Variants in NCK2 observed in about 807,000 individuals in gnomAD.
NCK2 encodes cytoplasmic protein NCK2.
In NCK2, 16 loss-of-function variants were observed where a neutral mutation model predicts 33.9. That is an observed-to-expected ratio of 0.47 (90% CI 0.32 to 0.72). The LOEUF (loss-of-function observed/expected upper bound fraction) is 0.72, where lower values mean the gene tolerates loss of function less well. Among genes scored for constraint, NCK2 ranks in the 30% least tolerant of loss-of-function variants. The pLI is 0.03. For missense variants in NCK2, 418 were observed against 537.3 expected, an observed-to-expected ratio of 0.78 and a Z score of 2.19; for synonymous variants, 273 against 239.9, an observed-to-expected ratio of 1.14 and a Z score of -1.27.
At chr2:105,861,187 T>C (rs1389898627) in intron 3 of NCK2, among the ~76,000 whole-genome samples, 4 of 152,208 alleles carry the variant, frequency 2.6e-5, no homozygotes, top group Non-Finnish European at 5.9e-5. Flanking sequence ...TTTTACACCT[T>C]TATGGAGTCT....
chr2:105,879,399 A>G (rs1296788491), intron 3 of NCK2, among the ~76,000 whole-genome samples: 1 of 152,208 alleles, frequency 6.6e-6, no homozygotes, highest in African/African-American at 2.4e-5. Context: ...CTGTGGCGGT[A>G]TCATGGTGCT....
At chr2:105,867,788 C>A (rs1377887141) in intron 3 of NCK2, among the ~76,000 whole-genome samples, 1 of 152,138 alleles carries the variant, frequency 6.6e-6, no homozygotes, top group African/African-American at 2.4e-5. Flanking sequence ...ATGATCTCAC[C>A]CTGCTTCAGC....
rs1417113083 is a variant in NCK2 at position 105,881,441 on chromosome 2, A to G, written c.340A>G (p.Ile114Val). ...CGCCGACCGCATCTACGACCTCAAC[A>G]TCCCGGCCTTCGTCAAGTTCGCCTA... ...SGADRIYDLNIPAFVKFAYVA... is the reference protein window; with the variant it reads ...SGADRIYDLNVPAFVKFAYVA... The change falls in exon 4 of 5, where the codon ATC becomes GTC. Residue 114 changes from isoleucine (I) to valine (V), a missense_variant. Ile to Val is a conservative substitution (Grantham distance 29). Transcript: ENST00000233154. The G allele has an allele frequency of 1.2e-6, 2 of 1,613,550 alleles. No homozygotes were observed. The highest frequency in any genetic ancestry group is 1.7e-6 in the Non-Finnish European group (2 of 1,179,964).
intron 1 of NCK2, among the ~76,000 whole-genome samples, chr2:105,746,059 A>T (rs1012137125): frequency 6.6e-6 from 1 of 152,194 alleles, no homozygotes; most frequent in Non-Finnish European, 1.5e-5. Flanking sequence ...CCTGACTTAA[A>T]CTAGTATTGT....
intron 3 of NCK2, among the ~76,000 whole-genome samples, chr2:105,872,029 C>T (rs77669559): frequency 7.0e-4 from 106 of 152,308 alleles, no homozygotes; most frequent in African/African-American, 2.3e-3. Flanking sequence ...TGCTTTTTCT[C>T]CATGGTGGTC....
chr2:105,844,910 T>C (rs1676798216), intron 2 of NCK2, among the ~76,000 whole-genome samples: 1 of 151,942 alleles, frequency 6.6e-6, no homozygotes, highest in South Asian at 2.1e-4. Context: ...GGATGGTTTC[T>C]TTAACAGAAT....
chr2:105,881,513 G>A lies in NCK2; in HGVS notation c.412G>A (p.Val138Ile), dbSNP rs1297768575. 9 of 1,613,922 alleles carry A rather than the reference G, an allele frequency of 5.6e-6. No homozygotes were observed. Among genetic ancestry groups the A allele is most frequent in the African/African-American group, 1.3e-5 (1 of 74,960 alleles). ...DELSLVKGSRVTVMEKCSDGW... is the reference protein window; with the variant it reads ...DELSLVKGSRITVMEKCSDGW... ...GTTGTCCCTGGTGAAGGGGTCGCGC[G>A]TCACCGTCATGGAGAAGTGCAGCGA... Residue 138 changes from valine to isoleucine, a missense_variant, in exon 4 of 5, where the codon GTC (valine) becomes ATC (isoleucine). Physicochemically the swap from Val to Ile is conservative, Grantham distance 29. Coordinates refer to ENST00000233154, the MANE Select transcript of NCK2 (RefSeq NM_003581.5).
chr2:105,794,045 A>ATTT (rs554091969), intron 1 of NCK2, among the ~76,000 whole-genome samples: 10 of 109,534 alleles, frequency 9.1e-5, no homozygotes, highest in Admixed American at 1.9e-4. Flanking sequence ...GTATCTTTCG[A>ATTT]TTTTTTTTTT....
In NCK2 at chr2:105,780,786, T is replaced by C. The variant is rs373410068; in HGVS notation, c.-200-35644T>C. Among the ~76,000 whole-genome samples, 3 of 152,228 alleles carry C rather than the reference T, an allele frequency of 2.0e-5. No individual in the cohort carries two copies. In the East Asian group the frequency reaches 5.8e-4, roughly 29 times the overall value. On this transcript the variant is annotated intron_variant, in intron 1 of 4. Transcript: ENST00000233154. ...AGAGGGCCCCCTCACCCCTTCAGCA[T>C]GTGAGGACACAGCAAGAAGCCGCCG... is the stretch of plus-strand genomic sequence containing the variant.
At chr2:105,744,731 G>A (rs1343622645), upstream of NCK2, among the ~76,000 whole-genome samples, 3 of 150,682 alleles carry the variant, frequency 2.0e-5, no homozygotes, top group South Asian at 2.1e-4. Context: ...GGGCGCCCCA[G>A]GTGGGTCTCG....
chr2:105,744,884 C>CGCCGCCGCCGCCGCCGCT (rs1331662931), upstream of NCK2: 2 of 160,808 alleles, frequency 1.2e-5, no homozygotes, highest in African/African-American at 4.9e-5. Flanking sequence ...CCGCCGCCGC[C>CGCCGCCGCCGCCGCCGCT]GCCGCCGCCG....
chr2:105,777,751 G>A (rs1460420643), intron 1 of NCK2, among the ~76,000 whole-genome samples: 2 of 152,154 alleles, frequency 1.3e-5, no homozygotes, highest in African/African-American at 4.8e-5. Flanking sequence ...GGGTGGAGAA[G>A]CAGACCACTT....
chr2:105,871,665 T>G (rs772755059), intron 3 of NCK2, among the ~76,000 whole-genome samples: 2 of 152,180 alleles, frequency 1.3e-5, no homozygotes, highest in Admixed American at 6.5e-5. Context: ...GCTAATTTTT[T>G]TGTATTTTTA....
rs7598966 is a variant in NCK2, at chr2:105,835,388, C to T, written c.-17+18775C>T. The stretch of plus-strand genomic sequence containing the variant: ...TTATATATATATACATATATATACA[C>T]ATATATATATATATATACGTGTATA... On this transcript the variant is annotated intron_variant, in intron 2 of 4. Coordinates refer to ENST00000233154, the MANE Select transcript of NCK2 (RefSeq NM_003581.5). 1.1e-3 allele frequency among the ~76,000 whole-genome samples: 57 copies of T among 52,112 alleles called. 6 individuals are homozygous for T. The highest frequency in any genetic ancestry group is 3.6e-3 in the African/African-American group (49 of 13,790). The allele number at this position is 52,112 out of a possible 152,430, so 34.2% of individuals were successfully genotyped here. A position where few individuals can be genotyped will look rare whatever the true frequency, so the allele number is the denominator to read the frequency against.
At chr2:105,838,193 C>T (rs1445640879) in intron 2 of NCK2, among the ~76,000 whole-genome samples, 2 of 151,926 alleles carry the variant, frequency 1.3e-5, no homozygotes, top group Non-Finnish European at 2.9e-5. Context: ...CACAGCTGTG[C>T]CGAAAGGGCT....
chr2:105,855,359 T>A, intron 3 of NCK2, 70 bp downstream of exon 3: 1 of 1,190,790 alleles, frequency 8.4e-7, no homozygotes, highest in Non-Finnish European at 1.1e-6. Flanking sequence ...TTCTAGTTAG[T>A]TTGCTGTTTC....
At position 105,881,587 on chromosome 2, in the gene NCK2, C is replaced by G. The variant is rs773126402; in HGVS notation, c.486C>G (p.Ser162=). The change falls in exon 4 of 5, where the codon TCC becomes TCG. Residue 162 remains serine (S), a synonymous_variant. Transcript: ENST00000233154. Reference sequence around the variant, plus strand: ...ACGGGCAGATCGGCTGGTTCCCCTCCAACTACGTCTTGGAGGAGGTGGACG... The same window carrying G: ...ACGGGCAGATCGGCTGGTTCCCCTCGAACTACGTCTTGGAGGAGGTGGACG... The part of the protein sequence containing the change: ...SYNGQIGWFP[S]NYVLEEVDEA... 4.3e-6 allele frequency: 7 copies of G among 1,613,754 alleles called. No individual in the cohort carries two copies. The highest frequency in any genetic ancestry group is 5.9e-6 in the Non-Finnish European group (7 of 1,180,008).
At chr2:105,789,450 A>T (rs1424029309) in intron 1 of NCK2, among the ~76,000 whole-genome samples, 2 of 152,142 alleles carry the variant, frequency 1.3e-5, no homozygotes, top group Non-Finnish European at 2.9e-5. Flanking sequence ...CGGCCTCCCA[A>T]GGTGCTGGGC....
At position 105,881,830 on chromosome 2, in the gene NCK2, G is replaced by A. The variant is rs1440465020; in HGVS notation, c.729G>A (p.Gln243=). The A allele has an allele frequency of 1.2e-6, 2 of 1,603,802 alleles. No individual in the cohort carries two copies. Among genetic ancestry groups the A allele is most frequent in the Middle Eastern group, 1.7e-4 (1 of 6,018 alleles). Residue 243 remains glutamine (Q), a synonymous_variant, in exon 4 of 5, where the codon CAG becomes CAA. Coordinates refer to ENST00000233154, the MANE Select transcript of NCK2 (RefSeq NM_003581.5). The part of the protein sequence containing the change: ...EWWKCKNARG[Q]VGLVPKNYVV... The stretch of plus-strand genomic sequence containing the variant: ...GGAAATGCAAAAATGCCCGGGGCCA[G>A]GTGGGCCTCGTCCCCAAAAACTACG...
Sources: allele counts gnomAD v4.1 joint callset (sites outside exome capture counted in the v4.1 genomes callset), GRCh38; gene constraint gnomAD v4.1.1; transcripts MANE v1.5; gene names NCBI Gene and HGNC (gene_info 2026-07-23, HGNC 2026-07-21).